Variants in SRRM1 observed in about 807,000 individuals in gnomAD.
SRRM1 encodes the protein serine and arginine repetitive matrix 1.
In SRRM1, 19 loss-of-function variants were observed where a neutral mutation model predicts 110.2. The ratio of observed to expected loss-of-function variants is 0.17; its 90% confidence interval spans 0.12 to 0.25. The LOEUF (loss-of-function observed/expected upper bound fraction) is 0.25, where lower values mean the gene tolerates loss of function less well. SRRM1 is among the 10% of genes least tolerant of loss of function. The probability of loss-of-function intolerance (pLI) is 1.00; values close to 1 mark genes in which losing one functional copy is unlikely to be tolerated. For missense variants in SRRM1, 918 were observed against 1,145.8 expected, an observed-to-expected ratio of 0.80 and a Z score of 2.87; for synonymous variants, 443 against 414.9, an observed-to-expected ratio of 1.07 and a Z score of -0.82.
chr1:24,649,599 G>T (rs1659436947), intron 4 of SRRM1, among the ~76,000 whole-genome samples: 1 of 152,224 alleles, frequency 6.6e-6, no homozygotes, highest in Non-Finnish European at 1.5e-5. Context: ...GAGCCACCGT[G>T]CCCAGCCAGC....
At chr1:24,659,964 A>G (rs1204144581) in intron 9 of SRRM1, among the ~76,000 whole-genome samples, 2 of 152,096 alleles carry the variant, frequency 1.3e-5, no homozygotes, top group East Asian at 3.9e-4. Context: ...GCTTTTTTTC[A>G]TGGGTAGTTT....
In SRRM1 at chr1:24,669,594, A is replaced by G; in HGVS notation, c.2204+7A>G. 1 of 1,532,100 alleles carries G rather than the reference A, an allele frequency of 6.5e-7. No individual in the cohort carries two copies. The highest frequency in any genetic ancestry group is 2.4e-5 in the East Asian group (1 of 40,818). The allele number at this position is 1,532,100 out of a possible 1,614,324, so 94.9% of individuals were successfully genotyped here. On this transcript the variant is annotated splice_region_variant and intron_variant, in intron 14 of 16. Coordinates refer to ENST00000323848, the MANE Select transcript of SRRM1 (RefSeq NM_005839.4). ...AACCTAAAAAGATAAAAAAGTAAAA[A>G]TATTTTATGCTTTTCCATTAGGAAT...
chr1:24,653,619 A>G (rs1247330383), intron 8 of SRRM1, among the ~76,000 whole-genome samples: 1 of 152,180 alleles, frequency 6.6e-6, no homozygotes, highest in African/African-American at 2.4e-5. Context: ...TCAAAACCCC[A>G]ACTGTACCAG....
chr1:24,659,290 A>G (rs1030197052), intron 9 of SRRM1, among the ~76,000 whole-genome samples: 1 of 152,202 alleles, frequency 6.6e-6, no homozygotes, highest in Non-Finnish European at 1.5e-5. Context: ...AGATGCGATT[A>G]CTGTGTTAGA....
Position 24,660,815 on chromosome 1 carries a change from T to A in SRRM1, c.1396+16T>A. The A allele has an allele frequency of 1.3e-6, 2 of 1,548,148 alleles. No individual in the cohort carries two copies. The highest frequency in any genetic ancestry group is 1.7e-6 in the Non-Finnish European group (2 of 1,144,944). The stretch of plus-strand genomic sequence containing the variant: ...TCTGAATCGGGTAAGTTTGTTGTTT[T>A]TTTTTGTGATTTTGGTTTGTTTGTT... On this transcript the variant is annotated intron_variant, in intron 10 of 16. Coordinates refer to ENST00000323848, the MANE Select transcript of SRRM1 (RefSeq NM_005839.4).
chr1:24,649,505 G>C (rs1023071400), intron 4 of SRRM1, among the ~76,000 whole-genome samples: 24 of 152,180 alleles, frequency 1.6e-4, no homozygotes, highest in African/African-American at 5.3e-4. Flanking sequence ...TTTTAGTACA[G>C]ACGGGATTTT....
At position 24,652,527 on chromosome 1, in the gene SRRM1, G is replaced by T. The variant is rs201110421; in HGVS notation, c.819G>T (p.Lys273Asn). Residue 273 changes from lysine to asparagine, a missense_variant, in exon 7 of 17, where the codon AAG becomes AAT. This residue lies in a region of SRRM1 where 456 missense variants were observed against 453.5 expected (regional missense o/e 1.01). Coordinates refer to ENST00000323848, the MANE Select transcript of SRRM1 (RefSeq NM_005839.4). ...KNSKKEKEKEKTRPRSRSRSK... is the reference protein window; with the variant it reads ...KNSKKEKEKENTRPRSRSRSK... ...CCAAAAAAGAAAAGGAGAAGGAGAAGACCCGACCACGATCTCGGTCACGCT... is the reference window on the plus strand; with the variant it reads ...CCAAAAAAGAAAAGGAGAAGGAGAATACCCGACCACGATCTCGGTCACGCT... 1.9e-6 allele frequency: 3 copies of T among 1,612,326 alleles called. No individual in the cohort carries two copies. The highest frequency in any genetic ancestry group is 1.7e-5 in the Admixed American group (1 of 59,862).
rs1295888577 is a variant in SRRM1 at position 24,672,365 on chromosome 1, C to T, written c.*79C>T. 1 of 955,028 alleles carries T rather than the reference C, an allele frequency of 1.0e-6. No homozygotes were observed. The highest frequency in any genetic ancestry group is 1.6e-6 in the Non-Finnish European group (1 of 632,530). 59.2% of individuals were successfully genotyped at this position (955,028 alleles called of 1,614,324 possible). ...TCAAAATTGCTAAAATGTGTTTGAG[C>T]TTTAGACTATAACATTTGTTGTAAT... is the stretch of plus-strand genomic sequence containing the variant. On this transcript the variant is annotated 3_prime_UTR_variant, in exon 17 of 17. Transcript: ENST00000323848.
In SRRM1 at chr1:24,652,503, C is replaced by T. The variant is rs555669815; in HGVS notation, c.795C>T (p.Ser265=). 6.2e-7 allele frequency: 1 copy of T among 1,611,014 alleles called. No homozygotes were observed. The highest frequency in any genetic ancestry group is 1.1e-5 in the South Asian group (1 of 90,722). ...AAGAACCTTCTCCGGAAAAAAATTCCAAAAAAGAAAAGGAGAAGGAGAAGA... is the reference window on the plus strand; with the variant it reads ...AAGAACCTTCTCCGGAAAAAAATTCTAAAAAAGAAAAGGAGAAGGAGAAGA... ...EPKEPSPEKN[S]KKEKEKEKTR... The change falls in exon 7 of 17, where the codon TCC becomes TCT. Residue 265 remains serine, a synonymous_variant. Coordinates refer to ENST00000323848, the MANE Select transcript of SRRM1 (RefSeq NM_005839.4).
At chr1:24,671,141 A>C (rs1557757324) in intron 15 of SRRM1, among the ~76,000 whole-genome samples, 1 of 152,224 alleles carries the variant, frequency 6.6e-6, no homozygotes, top group Admixed American at 6.5e-5. Flanking sequence ...GAAAGAGTTC[A>C]ACAATTTGTC....
chr1:24,660,684 TACGTAAG>T (rs1398153997), intron 9 of SRRM1, 28 bp from the exon 10 acceptor site: 3 of 1,212,426 alleles, frequency 2.5e-6, no homozygotes, highest in Admixed American at 2.4e-5. Flanking sequence ...CCTTTTTTTG[TACGTAAG>T]CTTTTTTCCA....
chr1:24,646,961 C>T (rs942056536), intron 3 of SRRM1, 172 bp downstream of exon 3: 6 of 488,628 alleles, frequency 1.2e-5, no homozygotes, highest in Admixed American at 4.3e-5. Flanking sequence ...AGTGAAGGTG[C>T]ATAGTTTTGA....
chr1:24,651,215 G>T (rs762922860), intron 5 of SRRM1, among the ~76,000 whole-genome samples, 194 bp from the exon 6 acceptor site: 1 of 152,088 alleles, frequency 6.6e-6, no homozygotes, highest in Non-Finnish European at 1.5e-5. Flanking sequence ...TGATATACTC[G>T]AGAATGTTAT....
At chr1:24,664,849 T>C (rs1329318846) in intron 12 of SRRM1, among the ~76,000 whole-genome samples, 4 of 152,140 alleles carry the variant, frequency 2.6e-5, no homozygotes, top group African/African-American at 4.8e-5. Context: ...AGATTAGTGG[T>C]GCAATTTCTT....
In SRRM1 at chr1:24,671,414, A is replaced by G. The variant is rs574750411; in HGVS notation, c.2429A>G (p.Lys810Arg). 9 of 1,611,696 alleles carry G rather than the reference A, an allele frequency of 5.6e-6. No individual in the cohort carries two copies. In the African/African-American group the frequency reaches 1.2e-4, roughly 22 times the overall value. The change falls in exon 16 of 17, where the codon AAA becomes AGA. Residue 810 changes from lysine (K) to arginine (R), a missense_variant. Lys to Arg is a conservative substitution (Grantham distance 26). This residue lies in a region of SRRM1 where 62 missense variants were observed against 127.6 expected (regional missense o/e 0.49). Coordinates refer to ENST00000323848, the MANE Select transcript of SRRM1 (RefSeq NM_005839.4). ...TCAGATCAGGAAGGAGGTGGAAAGAAAAAGAAGAAAAAGAAGGACAAGAAA... is the reference window on the plus strand; with the variant it reads ...TCAGATCAGGAAGGAGGTGGAAAGAGAAAGAAGAAAAAGAAGGACAAGAAA... ...RNSDQEGGGK[K>R]KKKKKDKKHK...
intron 12 of SRRM1, among the ~76,000 whole-genome samples, chr1:24,666,266 C>T (rs190559904): frequency 4.8e-4 from 73 of 152,270 alleles, no homozygotes; most frequent in African/African-American, 1.6e-3. Context: ...TTTCACAAAA[C>T]GGTACTTACC....
At chr1:24,653,547 G>A (rs1170320999) in intron 8 of SRRM1, among the ~76,000 whole-genome samples, 1 of 152,062 alleles carries the variant, frequency 6.6e-6, no homozygotes, top group Non-Finnish European at 1.5e-5. Context: ...ATAATCCGTG[G>A]GGGAATATAT....
Position 24,672,169 on chromosome 1 carries a change from C to A in SRRM1, c.2611-13C>A, listed in dbSNP as rs773130757. 17 of 1,597,644 alleles carry A rather than the reference C, an allele frequency of 1.1e-5. 1 individual carries two copies. In the East Asian group the frequency reaches 3.6e-4, roughly 34 times the overall value. On this transcript the variant is annotated splice_polypyrimidine_tract_variant and intron_variant, in intron 16 of 16. Coordinates refer to ENST00000323848, the MANE Select transcript of SRRM1 (RefSeq NM_005839.4). ...GTCTCAAGACTTAACCGTGTAAATT[C>A]TGTTTTTTTTAGGAGACTGAAAGTG...
chr1:24,655,402 A>G (rs919775629), intron 9 of SRRM1, among the ~76,000 whole-genome samples: 1 of 152,182 alleles, frequency 6.6e-6, no homozygotes, highest in Non-Finnish European at 1.5e-5. Context: ...AGTTGGGGTA[A>G]CATATCAAAG....
Sources: gnomAD v4.1 joint callset for allele counts (sites outside exome capture counted in the v4.1 genomes callset) on GRCh38, gnomAD v4.1.1 for gene constraint, gnomAD v4.1.1 regional missense constraint, MANE v1.5 for transcripts, NCBI Gene and HGNC (gene_info 2026-07-23, HGNC 2026-07-21) for gene names.